The following EXOC2 variants were observed in gnomAD, a reference collection of about 807,000 sequenced individuals.
EXOC2 encodes the protein SEC5-like 1.
A neutral mutation model predicts 131.8 loss-of-function variants in EXOC2; 70 were observed. The observed-to-expected ratio is 0.53, with a 90% CI of 0.44 to 0.65. The LOEUF is 0.65. Ranked by LOEUF, EXOC2 falls within the 30% of genes least tolerant of loss-of-function variation. The pLI is 0.00. For missense variants in EXOC2, 923 were observed against 1,108.6 expected (o/e 0.83, Z 2.38); for synonymous variants, 411 against 398.4 (o/e 1.03, Z -0.38).
intron 1 of EXOC2, among the ~76,000 whole-genome samples, chr6:688,624 C>G (rs1318997232): frequency 6.6e-6 from 1 of 152,184 alleles, no homozygotes; most frequent in South Asian, 2.1e-4. Context: ...GTTACTCTTC[C>G]AGCCCCCAGC....
intron 1 of EXOC2, among the ~76,000 whole-genome samples, chr6:649,934 TTAAA>T (rs753485799): frequency 1.4e-4 from 21 of 152,232 alleles, no homozygotes; most frequent in Non-Finnish European, 2.9e-4. Flanking sequence ...TGGAAGATGC[TTAAA>T]TAATTTGTAA....
intron 1 of EXOC2, among the ~76,000 whole-genome samples, chr6:638,305 T>C (rs985571063): frequency 2.6e-5 from 4 of 152,264 alleles, no homozygotes; most frequent in Admixed American, 2.0e-4. Context: ...CAGTTTACTT[T>C]TGTGTTTATA....
intron 13 of EXOC2, among the ~76,000 whole-genome samples, chr6:566,637 G>A (rs1226867321): frequency 6.6e-6 from 1 of 152,176 alleles, no homozygotes; most frequent in Non-Finnish European, 1.5e-5. Flanking sequence ...GCTCACTGAG[G>A]TGACAAATAG....
intron 23 of EXOC2, among the ~76,000 whole-genome samples, chr6:503,173 T>C (rs1428792044): frequency 6.6e-6 from 1 of 152,202 alleles, no homozygotes; most frequent in African/African-American, 2.4e-5. Context: ...TACTTTTTTT[T>C]TTTTTTATTA....
chr6:622,065 G>A (rs1339654621), intron 4 of EXOC2, among the ~76,000 whole-genome samples: 2 of 152,218 alleles, frequency 1.3e-5, no homozygotes, highest in Non-Finnish European at 2.9e-5. Context: ...GGAGCACTGT[G>A]TGAGGGATCA....
At chr6:599,631 A>G (rs1344402301) in intron 7 of EXOC2, among the ~76,000 whole-genome samples, 1 of 152,232 alleles carries the variant, frequency 6.6e-6, no homozygotes, top group African/African-American at 2.4e-5. Flanking sequence ...CGGACTCAAT[A>G]TCTACATATG....
intron 1 of EXOC2, chr6:656,711 G>A: frequency 6.2e-7 from 1 of 1,601,878 alleles, no homozygotes; most frequent in Non-Finnish European, 8.5e-7. Flanking sequence ...GCTCCAGGTG[G>A]ATCTCATCGA....
intron 1 of EXOC2, chr6:669,983 G>A (rs1444825447): frequency 6.6e-6 from 1 of 152,212 alleles, no homozygotes; most frequent in East Asian, 1.9e-4. Flanking sequence ...GACATGTAAA[G>A]GGAATGTGAT....
At chr6:545,538 C>G (rs1383707693) in intron 22 of EXOC2, among the ~76,000 whole-genome samples, 1 of 152,032 alleles carries the variant, frequency 6.6e-6, no homozygotes, top group Non-Finnish European at 1.5e-5. Flanking sequence ...CAGTCAATAA[C>G]AGAAGAAAAA....
At chr6:545,664 C>T (rs1484239464) in intron 22 of EXOC2, among the ~76,000 whole-genome samples, 1 of 152,208 alleles carries the variant, frequency 6.6e-6, no homozygotes, top group East Asian at 1.9e-4. Flanking sequence ...ATGAGATCAG[C>T]TTCCAAAAAG....
chr6:494,825 C>G (rs192839937), intron 25 of EXOC2, among the ~76,000 whole-genome samples: 135 of 152,236 alleles, frequency 8.9e-4, no homozygotes, highest in African/African-American at 3.1e-3. Context: ...AGTTTATTTA[C>G]TGTATTGATG....
chr6:568,328 C>G (rs1451225523), intron 13 of EXOC2, among the ~76,000 whole-genome samples: 1 of 152,242 alleles, frequency 6.6e-6, no homozygotes, highest in South Asian at 2.1e-4. Context: ...TCCTGTCTGA[C>G]TGCCTTCAAG....
intron 4 of EXOC2, 109 bp downstream of exon 4, chr6:629,726 C>T (rs2127701214): frequency 7.3e-7 from 1 of 1,375,218 alleles, no homozygotes; most frequent in Non-Finnish European, 9.8e-7. Context: ...GAGGTGTCTT[C>T]AACTGTGTTT....
At chr6:660,501 C>A (rs551209325) in intron 1 of EXOC2, among the ~76,000 whole-genome samples, 91 of 152,306 alleles carry the variant, frequency 6.0e-4, no homozygotes, top group African/African-American at 2.0e-3. Context: ...ACCCCCAGTA[C>A]CAGCACAGAG....
intron 23 of EXOC2, among the ~76,000 whole-genome samples, chr6:502,702 T>TA (rs1764294346): frequency 6.6e-6 from 1 of 152,138 alleles, no homozygotes; most frequent in South Asian, 2.1e-4. Context: ...GCTTCCTATT[T>TA]TGGGTCGAGC....
chr6:626,179 T>C (rs1313131251), intron 4 of EXOC2, among the ~76,000 whole-genome samples: 1 of 152,220 alleles, frequency 6.6e-6, no homozygotes, highest in Non-Finnish European at 1.5e-5. Flanking sequence ...GAAGTTATTT[T>C]TTCTGAGCAA....
chr6:637,233 C>T (rs1459439810), intron 2 of EXOC2, among the ~76,000 whole-genome samples: 1 of 152,128 alleles, frequency 6.6e-6, no homozygotes, highest in Non-Finnish European at 1.5e-5. Context: ...AGGACACATG[C>T]CCGCCAGGTG....
chr6:543,055 G>A (rs1180727965), intron 22 of EXOC2, among the ~76,000 whole-genome samples: 1 of 152,194 alleles, frequency 6.6e-6, no homozygotes, highest in African/African-American at 2.4e-5. Flanking sequence ...GCAACCGCTA[G>A]GAAGGTTCCT....
In EXOC2 at chr6:576,300, A is replaced by G. The variant is rs145869814; in HGVS notation, c.1318+457T>C. ...AGAAATGCAACATACTTAAAATTTT[A>G]GATGCTTCATCTTAGGAAAAATTAT... On this transcript the variant is annotated intron_variant, in intron 12 of 27. Transcript: ENST00000230449. Among the ~76,000 whole-genome samples, 120 of 152,312 alleles carry G rather than the reference A, an allele frequency of 7.9e-4. 3 individuals carry two copies. The East Asian group carries it at 0.017, about 21-fold the overall frequency.
Sources: allele counts gnomAD v4.1 joint callset (sites outside exome capture counted in the v4.1 genomes callset), GRCh38; gene constraint gnomAD v4.1.1; transcripts MANE v1.5; gene names NCBI Gene and HGNC (gene_info 2026-07-23, HGNC 2026-07-21).